DOCK1: variants seen among roughly 807,000 people sequenced by gnomAD.
DOCK1 encodes dedicator of cytokinesis protein 1.
Under a neutral mutation model 262.7 loss-of-function variants are expected in DOCK1, and 138 were observed. That is an observed-to-expected ratio of 0.53 (90% confidence interval 0.46 to 0.61). The LOEUF is 0.61. Ranked by LOEUF, DOCK1 falls within the 20% of genes least tolerant of loss-of-function variation. The pLI is 0.00. For synonymous variants in DOCK1, 866 were observed against 867.4 expected (o/e 1.00, Z 0.03); for missense variants, 1,908 against 2,370.7 (o/e 0.80, Z 4.05).
At chr10:127,252,790 C>G (rs950501038) in intron 28 of DOCK1, among the ~76,000 whole-genome samples, 1 of 151,872 alleles carries the variant, frequency 6.6e-6, no homozygotes, top group African/African-American at 2.4e-5. Context: ...GTTACTGTAG[C>G]CTTGTAGTGT....
At chr10:127,280,426 G>C (rs1260451130) in intron 29 of DOCK1, among the ~76,000 whole-genome samples, 1 of 151,712 alleles carries the variant, frequency 6.6e-6, no homozygotes, top group Non-Finnish European at 1.5e-5. Flanking sequence ...TTTTTATTTT[G>C]ACAGACATAC....
At chr10:127,267,630 G>A (rs946322841) in intron 29 of DOCK1, among the ~76,000 whole-genome samples, 2 of 152,196 alleles carry the variant, frequency 1.3e-5, no homozygotes, top group African/African-American at 4.8e-5. Flanking sequence ...CGCGCACCTC[G>A]TCGGGAGTGC....
intron 28 of DOCK1, among the ~76,000 whole-genome samples, chr10:127,256,725 G>A (rs570591861): frequency 1.3e-5 from 2 of 152,160 alleles, no homozygotes; most frequent in Non-Finnish European, 1.5e-5. Context: ...GTTGCCCTGC[G>A]AAGTACACAG....
At chr10:126,917,376 T>C (rs1324491428) in intron 1 of DOCK1, among the ~76,000 whole-genome samples, 1 of 152,230 alleles carries the variant, frequency 6.6e-6, no homozygotes, top group East Asian at 1.9e-4. Context: ...TCAGGTTTTG[T>C]CTTCTCAGGG....
chr10:127,029,780 TG>T (rs1297635254), intron 16 of DOCK1, among the ~76,000 whole-genome samples: 1 of 152,182 alleles, frequency 6.6e-6, no homozygotes, highest in Non-Finnish European at 1.5e-5. Context: ...TACTACTTAC[TG>T]GTAGGGTCAG....
intron 27 of DOCK1, among the ~76,000 whole-genome samples, chr10:127,201,112 T>A (rs2057435066): frequency 6.6e-6 from 1 of 152,222 alleles, no homozygotes; most frequent in African/African-American, 2.4e-5. Context: ...GGGGACACTT[T>A]AGCCTTGTCT....
At chr10:127,241,958 C>T (rs1349658369) in intron 27 of DOCK1, among the ~76,000 whole-genome samples, 1 of 152,162 alleles carries the variant, frequency 6.6e-6, no homozygotes, top group East Asian at 1.9e-4. Flanking sequence ...TTTCATCTCA[C>T]ATGTAGCCTC....
intron 29 of DOCK1, among the ~76,000 whole-genome samples, chr10:127,317,044 T>C (rs1427214817): frequency 6.6e-6 from 1 of 151,872 alleles, no homozygotes; most frequent in Non-Finnish European, 1.5e-5. Flanking sequence ...TTTCCTGGAT[T>C]ATTTCCCAAA....
intron 34 of DOCK1, 49 bp from the exon 35 acceptor site, chr10:127,374,009 G>A: frequency 2.6e-6 from 4 of 1,564,278 alleles, no homozygotes; most frequent in South Asian, 2.4e-5. Flanking sequence ...CCTCTGTTGA[G>A]TTTCTTTTTC....
At chr10:127,065,909 G>T (rs2045841467) in intron 23 of DOCK1, among the ~76,000 whole-genome samples, 1 of 152,014 alleles carries the variant, frequency 6.6e-6, no homozygotes, top group African/African-American at 2.4e-5. Flanking sequence ...ACCTCTTCCT[G>T]TCTGTTTTCC....
chr10:127,309,407 T>TA (rs1382166986), intron 29 of DOCK1, among the ~76,000 whole-genome samples: 1 of 152,224 alleles, frequency 6.6e-6, no homozygotes, highest in Non-Finnish European at 1.5e-5. Flanking sequence ...ACTCTGATGA[T>TA]AGTTTCTTTT....
chr10:127,127,763 T>C lies in DOCK1; in HGVS notation c.2846T>C (p.Ile949Thr), dbSNP rs750331091. Residue 949 changes from isoleucine (I) to threonine (T), a missense_variant and splice_region_variant, in exon 27 of 52, where the codon ATT (isoleucine) becomes ACT (threonine). Ile to Thr is a moderately conservative substitution (Grantham distance 89). Transcript: ENST00000623213. ...TCCATGGGACGAGATTCTGAACTCA[T>C]TGTAAGTGCTTGGTGACATATGTTT... is the stretch of plus-strand genomic sequence containing the variant. ...VISMGRDSEL[I>T]GNFVACMTAI... The C allele has an allele frequency of 6.2e-7, 1 of 1,609,920 alleles. No individual in the cohort carries two copies.
chr10:127,381,555 T>C (rs1444145103), intron 37 of DOCK1, among the ~76,000 whole-genome samples, 187 bp downstream of exon 37: 1 of 152,248 alleles, frequency 6.6e-6, no homozygotes, highest in Non-Finnish European at 1.5e-5. Flanking sequence ...TTGTCCCTGC[T>C]GAATGCAGAT....
intron 1 of DOCK1, among the ~76,000 whole-genome samples, chr10:126,919,709 T>A (rs1695774471): frequency 6.6e-6 from 1 of 152,186 alleles, no homozygotes; most frequent in Admixed American, 6.5e-5. Context: ...CCCGCGTTGC[T>A]CTCTGCAGTT....
intron 27 of DOCK1, among the ~76,000 whole-genome samples, chr10:127,232,497 G>A (rs953014320): frequency 3.3e-5 from 5 of 152,026 alleles, no homozygotes; most frequent in African/African-American, 4.8e-5. Flanking sequence ...GTCCACATTC[G>A]TACTGCAGTT....
chr10:127,045,902 G>A (rs2044316961), intron 21 of DOCK1, among the ~76,000 whole-genome samples: 1 of 152,178 alleles, frequency 6.6e-6, no homozygotes, highest in African/African-American at 2.4e-5. Flanking sequence ...GTTGCTTTTT[G>A]TGCAGGTATA....
At chr10:127,110,998 C>T (rs1198002408) in intron 25 of DOCK1, among the ~76,000 whole-genome samples, 1 of 152,176 alleles carries the variant, frequency 6.6e-6, no homozygotes, top group East Asian at 1.9e-4. Context: ...AATGTGAAGT[C>T]TGTTGAGTGA....
chr10:127,117,988 G>A, intron 25 of DOCK1, among the ~76,000 whole-genome samples: 1 of 152,178 alleles, frequency 6.6e-6, no homozygotes, highest in South Asian at 2.1e-4. Flanking sequence ...CTTCCGCTAA[G>A]ATGAACTGCA....
intron 29 of DOCK1, among the ~76,000 whole-genome samples, chr10:127,275,885 C>G (rs1011437332): frequency 6.6e-6 from 1 of 152,216 alleles, no homozygotes; most frequent in Admixed American, 6.5e-5. Context: ...CTCTATATCT[C>G]TGTGATGGCC....
Sources: allele counts gnomAD v4.1 joint callset (sites outside exome capture counted in the v4.1 genomes callset), GRCh38; gene constraint gnomAD v4.1.1; transcripts MANE v1.5; gene names NCBI Gene and HGNC (gene_info 2026-07-23, HGNC 2026-07-21).